Variants in SLC7A14 observed in about 807,000 individuals in gnomAD.
SLC7A14 encodes the protein gamma-aminobutyric acid transporter SLC7A14.
In SLC7A14, 37 loss-of-function variants were observed where a neutral mutation model predicts 60.2. That is an observed-to-expected ratio of 0.61 (90% CI 0.47 to 0.81). The LOEUF is 0.81. SLC7A14 is among the 30% of genes least tolerant of loss of function. The probability of loss-of-function intolerance (pLI) is 0.00; values close to 1 mark genes in which losing one functional copy is unlikely to be tolerated. For synonymous variants in SLC7A14, 399 were observed against 395.8 expected, an observed-to-expected ratio of 1.01 and a Z score of -0.10; for missense variants, 886 against 982.7, an observed-to-expected ratio of 0.90 and a Z score of 1.32.
chr3:170,541,962 G>A (rs897602440), intron 1 of SLC7A14, among the ~76,000 whole-genome samples: 8 of 152,106 alleles, frequency 5.3e-5, no homozygotes, highest in Non-Finnish European at 1.0e-4. Context: ...AAATATCCTC[G>A]GTTTTTGTAG....
At chr3:170,542,772 G>A (rs1283153509) in intron 1 of SLC7A14, among the ~76,000 whole-genome samples, 2 of 152,152 alleles carry the variant, frequency 1.3e-5, no homozygotes, top group Non-Finnish European at 2.9e-5. Context: ...AGTATAAGAA[G>A]ATTTCAAAAG....
chr3:170,511,717 T>C (rs1405931393), intron 2 of SLC7A14, among the ~76,000 whole-genome samples: 1 of 152,192 alleles, frequency 6.6e-6, no homozygotes, highest in Admixed American at 6.5e-5. Context: ...CAAGTATTGT[T>C]GGCTGATAGT....
chr3:170,576,667 A>G (rs1245595127), intron 1 of SLC7A14, among the ~76,000 whole-genome samples: 1 of 152,244 alleles, frequency 6.6e-6, no homozygotes, highest in South Asian at 2.1e-4. Flanking sequence ...TTGGAGAATT[A>G]GGGACCAGGA....
intron 1 of SLC7A14, among the ~76,000 whole-genome samples, chr3:170,565,647 C>T (rs1714768953): frequency 6.6e-6 from 1 of 152,086 alleles, no homozygotes; most frequent in Non-Finnish European, 1.5e-5. Context: ...CAGAGGGAGG[C>T]TGAGCTTGAC....
intron 2 of SLC7A14, among the ~76,000 whole-genome samples, chr3:170,503,468 G>A (rs901818360): frequency 6.6e-6 from 1 of 152,172 alleles, no homozygotes; most frequent in Non-Finnish European, 1.5e-5. Context: ...AGTTGAGTTT[G>A]CACATACGGA....
intron 1 of SLC7A14, among the ~76,000 whole-genome samples, chr3:170,541,142 A>G (rs1204382333): frequency 2.0e-5 from 3 of 152,240 alleles, no homozygotes; most frequent in African/African-American, 7.2e-5. Flanking sequence ...GGAAATTATC[A>G]GGTGCAGAAA....
chr3:170,508,905 G>A (rs1318539802), intron 2 of SLC7A14, among the ~76,000 whole-genome samples: 1 of 152,162 alleles, frequency 6.6e-6, no homozygotes, highest in Non-Finnish European at 1.5e-5. Flanking sequence ...TCCATATGGT[G>A]GGTAATGCAG....
Position 170,480,598 on chromosome 3 carries a change from C to T in SLC7A14, c.1684G>A (p.Gly562Arg). The T allele has an allele frequency of 6.2e-7, 1 of 1,614,234 alleles. No individual in the cohort carries two copies. Among genetic ancestry groups the T allele is most frequent in the East Asian group, 2.2e-5 (1 of 44,894 alleles). The change falls in exon 7 of 8, where the codon GGG becomes AGG. Residue 562 changes from glycine (G) to arginine (R), a missense_variant. Coordinates refer to ENST00000231706, the MANE Select transcript of SLC7A14 (RefSeq NM_020949.3). ...GKMDRPTAAT[G>R]HTVTICVLLL... ...AGCACGCAGATGGTCACCGTGTGCC[C>T]CGTCGCTGCTGTGGGCCGGTCCATT...
At position 170,499,236 on chromosome 3, in the gene SLC7A14, CAAAAAAAAAAAAA is replaced by C. The variant is rs11336080; in HGVS notation, c.542-365_542-353del. Among the ~76,000 whole-genome samples, 6 of 59,930 alleles carry C rather than the reference CAAAAAAAAAAAAA, an allele frequency of 1.0e-4. 1 individual carries two copies. Among genetic ancestry groups the C allele is most frequent in the South Asian group, 7.2e-4 (1 of 1,382 alleles). The allele number at this position is 59,930 out of a possible 152,430, so 39.3% of individuals were successfully genotyped here. On this transcript the variant is annotated intron_variant, in intron 3 of 7. Transcript: ENST00000231706. ...TGGGGGACAGAGTGAGACTCTGTCT[CAAAAAAAAAAAAA>C]AAAAAAAAAAAAAAAAAAGAAGGGC...
At chr3:170,484,403 A>G (rs1711949159) in intron 5 of SLC7A14, among the ~76,000 whole-genome samples, 1 of 152,182 alleles carries the variant, frequency 6.6e-6, no homozygotes, top group African/African-American at 2.4e-5. Context: ...CGGGGAGGTG[A>G]TAAGCACTTA....
chr3:170,538,211 C>T (rs1391686501), intron 1 of SLC7A14, among the ~76,000 whole-genome samples: 1 of 152,200 alleles, frequency 6.6e-6, no homozygotes, highest in African/African-American at 2.4e-5. Flanking sequence ...GAGATACTTC[C>T]TCCCCAGTCA....
chr3:170,556,321 G>A (rs1714485008), intron 1 of SLC7A14, among the ~76,000 whole-genome samples: 1 of 152,180 alleles, frequency 6.6e-6, no homozygotes, highest in Admixed American at 6.5e-5. Flanking sequence ...GATAAAGACT[G>A]GGGTCTCGCT....
chr3:170,577,121 A>T (rs1166304882), intron 1 of SLC7A14, among the ~76,000 whole-genome samples: 2 of 152,214 alleles, frequency 1.3e-5, no homozygotes, highest in African/African-American at 4.8e-5. Context: ...GTTAACAAGG[A>T]GCTTTAATTA....
intron 1 of SLC7A14, among the ~76,000 whole-genome samples, chr3:170,571,034 C>T (rs772325935): frequency 3.9e-5 from 6 of 152,166 alleles, no homozygotes; most frequent in Admixed American, 6.6e-5. Flanking sequence ...TCTCACTCAA[C>T]ATTTCCTTAA....
intron 1 of SLC7A14, among the ~76,000 whole-genome samples, chr3:170,559,336 C>T (rs79170243): frequency 1.9e-3 from 296 of 152,068 alleles, no homozygotes; most frequent in African/African-American, 6.1e-3. Flanking sequence ...AAGAGCTAAT[C>T]GATTTCAGAA....
At chr3:170,556,250 C>A (rs1005812053) in intron 1 of SLC7A14, among the ~76,000 whole-genome samples, 2 of 152,140 alleles carry the variant, frequency 1.3e-5, no homozygotes, top group African/African-American at 2.4e-5. Context: ...AGTTGTGATC[C>A]CAGCCCATTT....
At chr3:170,498,376 G>A (rs375133789) in intron 4 of SLC7A14, among the ~76,000 whole-genome samples, 1 of 152,020 alleles carries the variant, frequency 6.6e-6, no homozygotes, top group Non-Finnish European at 1.5e-5. Flanking sequence ...GAGATAGTAC[G>A]TGCAAAGACA....
rs189769859 is a variant in SLC7A14 at position 170,482,397 on chromosome 3, G to A, written c.1115+917C>T. ...TCTGATCTGGTGATGGCTTCAGAGAGTATGCAGGGGAAATGAGTCAGAAGA... is the reference window on the plus strand; with the variant it reads ...TCTGATCTGGTGATGGCTTCAGAGAATATGCAGGGGAAATGAGTCAGAAGA... On this transcript the variant is annotated intron_variant, in intron 6 of 7. Transcript: ENST00000231706. 4.8e-3 allele frequency among the ~76,000 whole-genome samples: 732 copies of A among 152,352 alleles called. 21 individuals are homozygous for A. Among genetic ancestry groups the A allele is most frequent in the Admixed American group, 0.039 (593 of 15,306 alleles).
chr3:170,491,862 G>A (rs537527952), intron 4 of SLC7A14, among the ~76,000 whole-genome samples: 9 of 152,234 alleles, frequency 5.9e-5, no homozygotes, highest in South Asian at 2.1e-4. Context: ...TCTGGGGAGC[G>A]GAGGCAAATG....
Sources: gnomAD v4.1 joint callset for allele counts (sites outside exome capture counted in the v4.1 genomes callset) on GRCh38, gnomAD v4.1.1 for gene constraint, MANE v1.5 for transcripts, NCBI Gene and HGNC (gene_info 2026-07-23, HGNC 2026-07-21) for gene names.